ZBBX: variants seen among roughly 807,000 people sequenced by gnomAD.
ZBBX encodes zinc finger B-box domain containing, also known as zinc finger B-box domain-containing protein 1.
In ZBBX, 101 loss-of-function variants were observed where a neutral mutation model predicts 108.5. That is an observed-to-expected ratio of 0.93 (90% confidence interval 0.79 to 1.10). The LOEUF (loss-of-function observed/expected upper bound fraction) is 1.10, where lower values mean the gene tolerates loss of function less well. ZBBX is among the 50% of genes least tolerant of loss of function. The pLI is 0.00. For missense variants in ZBBX, 1,009 were observed against 941.4 expected, an observed-to-expected ratio of 1.07 and a Z score of -0.94; for synonymous variants, 356 against 323.4, an observed-to-expected ratio of 1.10 and a Z score of -1.08.
chr3:167,191,262 C>A, the ZBBX span, among the ~76,000 whole-genome samples: 1 of 152,164 alleles, frequency 6.6e-6, no homozygotes, highest in Non-Finnish European at 1.5e-5. Context: ...GAGGCAACAG[C>A]AAATTTATAA....
At chr3:167,313,692 T>C (rs187009356) in intron 16 of ZBBX, among the ~76,000 whole-genome samples, 46 of 152,308 alleles carry the variant, frequency 3.0e-4, no homozygotes, top group African/African-American at 9.1e-4. Context: ...AGTCAGACTT[T>C]TGTCACTGAA....
the ZBBX span, among the ~76,000 whole-genome samples, chr3:167,203,630 C>A: frequency 6.6e-6 from 1 of 151,950 alleles, no homozygotes; most frequent in Non-Finnish European, 1.5e-5. Flanking sequence ...AATTACTAGC[C>A]ATAAAATATC....
At chr3:167,368,010 T>C (rs1745594269) in intron 5 of ZBBX, among the ~76,000 whole-genome samples, 1 of 147,116 alleles carries the variant, frequency 6.8e-6, no homozygotes, top group African/African-American at 2.5e-5. Context: ...GTAATAGCAT[T>C]TATTTTTCAG....
rs1560099150 is a variant in ZBBX, at chr3:167,305,702, A to G, written c.1666T>C (p.Leu556=). 2 of 1,610,404 alleles carry G rather than the reference A, an allele frequency of 1.2e-6. No homozygotes were observed. Among genetic ancestry groups the G allele is most frequent in the South Asian group, 2.2e-5 (2 of 90,374 alleles). ...LSQDIKESLE[L]SNLYKRPSFE... ...CTTGGCCTCTTATACAGATTGCTCA[A>G]TTCCAAGGATTCTTTGATGTCTTGA... is the stretch of plus-strand genomic sequence containing the variant. The change falls in exon 17 of 22, where the codon TTG becomes CTG. Residue 556 remains leucine, a synonymous_variant. Transcript: ENST00000675490.
At chr3:167,232,330 A>G in the ZBBX span, among the ~76,000 whole-genome samples, 18 of 151,652 alleles carry the variant, frequency 1.2e-4, no homozygotes, top group African/African-American at 4.3e-4. Flanking sequence ...TAAACCATTT[A>G]CTCCTAGTGC....
At chr3:167,243,647 C>T (rs768423754) in intron 20 of ZBBX, among the ~76,000 whole-genome samples, 3 of 151,900 alleles carry the variant, frequency 2.0e-5, no homozygotes, top group African/African-American at 4.8e-5. Flanking sequence ...CTGCCCACCT[C>T]GGCCTTCCAA....
intron 5 of ZBBX, 30 bp from the exon 6 acceptor site, chr3:167,366,006 A>AGTGATTACATTTT: frequency 6.7e-7 from 1 of 1,491,106 alleles, no homozygotes; most frequent in Non-Finnish European, 9.3e-7. Context: ...GATAAAATGT[A>AGTGATTACATTTT]ATCACTAAAC....
At chr3:167,320,584 A>G (rs1736274301) in intron 12 of ZBBX, among the ~76,000 whole-genome samples, 1 of 152,068 alleles carries the variant, frequency 6.6e-6, no homozygotes, top group African/African-American at 2.4e-5. Flanking sequence ...AAGGGAAAAC[A>G]GAGTTGATGT....
Position 167,242,655 on chromosome 3 carries a change from T to G in ZBBX, c.2255-12A>C, listed in dbSNP as rs202081660. The G allele has an allele frequency of 3.6e-5, 58 of 1,607,480 alleles. No individual in the cohort carries two copies. The East Asian group carries it at 1.2e-3, about 34-fold the overall frequency. ...CTTTTCTGAAGTATCTGAAATATTTTATTTCATGCATTGTCAAAACATAAA... is the reference window on the plus strand; with the variant it reads ...CTTTTCTGAAGTATCTGAAATATTTGATTTCATGCATTGTCAAAACATAAA... On this transcript the variant is annotated splice_polypyrimidine_tract_variant and intron_variant, in intron 20 of 21. Transcript: ENST00000675490.
intron 9 of ZBBX, among the ~76,000 whole-genome samples, chr3:167,337,062 A>G (rs1006605293): frequency 6.6e-6 from 1 of 152,172 alleles, no homozygotes; most frequent in Non-Finnish European, 1.5e-5. Context: ...TCACCACATA[A>G]CAAGCTGTGT....
intron 6 of ZBBX, among the ~76,000 whole-genome samples, chr3:167,362,118 T>C (rs945937635): frequency 5.9e-5 from 9 of 152,100 alleles, no homozygotes; most frequent in African/African-American, 7.2e-5. Context: ...AGGATACACA[T>C]GCTTACACAA....
chr3:167,273,617 C>T (rs1726939002), intron 20 of ZBBX, among the ~76,000 whole-genome samples: 1 of 152,050 alleles, frequency 6.6e-6, no homozygotes, highest in South Asian at 2.1e-4. Flanking sequence ...TCAGTCGCCC[C>T]TTAGTCATCC....
At chr3:167,291,640 G>A (rs543385784) in intron 18 of ZBBX, among the ~76,000 whole-genome samples, 3 of 152,216 alleles carry the variant, frequency 2.0e-5, no homozygotes, top group African/African-American at 7.2e-5. Context: ...TGAAGAAACT[G>A]CATCCACTAA....
At chr3:167,278,944 A>G (rs1285504168) in intron 20 of ZBBX, among the ~76,000 whole-genome samples, 1 of 152,214 alleles carries the variant, frequency 6.6e-6, no homozygotes, top group African/African-American at 2.4e-5. Flanking sequence ...GGCTGGTTCA[A>G]TATGTGCAAA....
chr3:167,282,151 C>G, intron 20 of ZBBX, 87 bp downstream of exon 20: 1 of 1,369,734 alleles, frequency 7.3e-7, no homozygotes, highest in Non-Finnish European at 9.9e-7. Flanking sequence ...TGTTTGCTGG[C>G]TTGTTTTGTT....
At chr3:167,355,900 A>T (rs1337898831) in intron 8 of ZBBX, among the ~76,000 whole-genome samples, 1 of 152,046 alleles carries the variant, frequency 6.6e-6, no homozygotes, top group Non-Finnish European at 1.5e-5. Flanking sequence ...CTGTTTAATC[A>T]CTGCATACAA....
At chr3:167,285,311 C>T (rs1460334146) in intron 19 of ZBBX, among the ~76,000 whole-genome samples, 3 of 151,972 alleles carry the variant, frequency 2.0e-5, no homozygotes, top group Non-Finnish European at 2.9e-5. Flanking sequence ...TGAAATGTAA[C>T]TATAGCAACA....
chr3:167,403,094 G>A (rs1204957961), intron 1 of ZBBX, among the ~76,000 whole-genome samples: 1 of 152,082 alleles, frequency 6.6e-6, no homozygotes, highest in Admixed American at 6.6e-5. Flanking sequence ...AATCCAGGAA[G>A]GTCGCTGAAT....
chr3:167,387,763 G>A (rs1339251960), intron 1 of ZBBX, among the ~76,000 whole-genome samples: 1 of 151,918 alleles, frequency 6.6e-6, no homozygotes, highest in Non-Finnish European at 1.5e-5. Flanking sequence ...AAAGCTGAAG[G>A]GAAGTGAAAG....
Sources: allele counts gnomAD v4.1 joint callset (sites outside exome capture counted in the v4.1 genomes callset), GRCh38; gene constraint gnomAD v4.1.1; transcripts MANE v1.5; gene names NCBI Gene and HGNC (gene_info 2026-07-23, HGNC 2026-07-21).